Variants in BTBD9 observed in about 807,000 individuals in gnomAD.
The protein encoded by BTBD9 is BTB/POZ domain-containing protein 9.
A neutral mutation model predicts 64.3 loss-of-function variants in BTBD9; 49 were observed. The ratio of observed to expected loss-of-function variants is 0.76; its 90% CI spans 0.61 to 0.97. BTBD9 has a LOEUF of 0.97. Ranked by LOEUF, BTBD9 falls within the 50% of genes least tolerant of loss-of-function variation. The probability of loss-of-function intolerance (pLI) is 0.00; values close to 1 mark genes in which losing one functional copy is unlikely to be tolerated. For synonymous variants in BTBD9, 260 were observed against 274.7 expected (o/e 0.95, Z 0.53); for missense variants, 598 against 762.1 (o/e 0.78, Z 2.53).
chr6:38,456,348 C>T (rs1225670566), intron 6 of BTBD9, among the ~76,000 whole-genome samples: 2 of 152,252 alleles, frequency 1.3e-5, no homozygotes, highest in South Asian at 2.1e-4. Context: ...TTTGTGTGAA[C>T]GTACGATTTC....
At chr6:38,216,091 T>C (rs1323596625) in intron 9 of BTBD9, among the ~76,000 whole-genome samples, 1 of 152,180 alleles carries the variant, frequency 6.6e-6, no homozygotes, top group Non-Finnish European at 1.5e-5. Flanking sequence ...CAAGTATTCT[T>C]TTGGGGCCAT....
chr6:38,439,006 G>A (rs367836343), intron 6 of BTBD9, among the ~76,000 whole-genome samples: 7 of 152,130 alleles, frequency 4.6e-5, no homozygotes, highest in African/African-American at 1.4e-4. Flanking sequence ...ACAGCAAAGC[G>A]TGTCCTGGAG....
intron 6 of BTBD9, among the ~76,000 whole-genome samples, chr6:38,576,105 T>C (rs866370371): frequency 6.6e-6 from 1 of 152,288 alleles, no homozygotes; most frequent in African/African-American, 2.4e-5. Context: ...TTGTTTCAAA[T>C]TAAATGCAAA....
intron 8 of BTBD9, among the ~76,000 whole-genome samples, chr6:38,270,625 C>T (rs1287779080): frequency 6.6e-6 from 1 of 152,154 alleles, no homozygotes; most frequent in African/African-American, 2.4e-5. Flanking sequence ...GGTGCTGGAA[C>T]TGTGTACAAA....
At chr6:38,357,645 G>C (rs765497649) in intron 6 of BTBD9, among the ~76,000 whole-genome samples, 17 of 152,080 alleles carry the variant, frequency 1.1e-4, no homozygotes, top group Non-Finnish European at 1.8e-4. Context: ...TACTGAGTCT[G>C]AGATCTTGGC....
intron 6 of BTBD9, among the ~76,000 whole-genome samples, chr6:38,474,956 T>G (rs1257448496): frequency 6.6e-6 from 1 of 152,144 alleles, no homozygotes; most frequent in Non-Finnish European, 1.5e-5. Flanking sequence ...AGAGCGTTAT[T>G]TACAACAGCA....
At chr6:38,472,956 T>C (rs1013554918) in intron 6 of BTBD9, among the ~76,000 whole-genome samples, 1 of 152,216 alleles carries the variant, frequency 6.6e-6, no homozygotes, top group Non-Finnish European at 1.5e-5. Context: ...GTAAGCCTGA[T>C]ACTATGGTTG....
At chr6:38,549,464 G>T (rs1774699395) in intron 6 of BTBD9, among the ~76,000 whole-genome samples, 1 of 152,074 alleles carries the variant, frequency 6.6e-6, no homozygotes, top group Non-Finnish European at 1.5e-5. Context: ...CAAACAGGCT[G>T]GCTCAGTATT....
intron 7 of BTBD9, among the ~76,000 whole-genome samples, chr6:38,294,694 C>A (rs1265669312): frequency 1.3e-5 from 2 of 152,094 alleles, no homozygotes; most frequent in Non-Finnish European, 2.9e-5. Context: ...CGAGAAATAC[C>A]TAATGTAGAT....
intron 6 of BTBD9, among the ~76,000 whole-genome samples, chr6:38,478,823 T>A (rs751101048): frequency 5.9e-5 from 9 of 152,204 alleles, no homozygotes; most frequent in Non-Finnish European, 1.3e-4. Flanking sequence ...TACTATATAA[T>A]GACCAAGTCG....
chr6:38,585,153 G>A (rs181038137), intron 4 of BTBD9, among the ~76,000 whole-genome samples: 13 of 151,744 alleles, frequency 8.6e-5, no homozygotes, highest in Admixed American at 6.6e-4. Context: ...CATGTGTACC[G>A]ACACTACACA....
chr6:38,245,315 G>C (rs1118268), intron 9 of BTBD9, among the ~76,000 whole-genome samples: 89,025 of 152,104 alleles, frequency 0.59, 26,249 homozygotes, highest in Non-Finnish European at 0.61. Context: ...ATTTGATCAA[G>C]ATGGGTGGTC....
At chr6:38,299,100 T>C (rs1262221307) in intron 7 of BTBD9, among the ~76,000 whole-genome samples, 1 of 152,142 alleles carries the variant, frequency 6.6e-6, no homozygotes, top group Non-Finnish European at 1.5e-5. Flanking sequence ...AGTGAGAACA[T>C]GCAGTGTTTG....
intron 6 of BTBD9, among the ~76,000 whole-genome samples, chr6:38,497,382 C>CT (rs1299341905): frequency 1.3e-5 from 2 of 152,132 alleles, no homozygotes; most frequent in African/African-American, 2.4e-5. Flanking sequence ...CAAGGATACA[C>CT]TTTTTTTCCC....
At chr6:38,254,235 T>A (rs1016774476) in intron 9 of BTBD9, among the ~76,000 whole-genome samples, 1 of 151,664 alleles carries the variant, frequency 6.6e-6, no homozygotes, top group African/African-American at 2.4e-5. Flanking sequence ...ACACTGACTG[T>A]CCCATGACTG....
intron 6 of BTBD9, among the ~76,000 whole-genome samples, chr6:38,351,504 G>GTTTTTTTTTTTT (rs79539406): frequency 3.1e-5 from 3 of 96,696 alleles, no homozygotes; most frequent in Non-Finnish European, 6.0e-5. Context: ...TTTAATTGTT[G>GTTTTTTTTTTTT]TTGTTTTTTT....
chr6:38,233,148 T>C (rs1410625154), intron 9 of BTBD9, among the ~76,000 whole-genome samples: 1 of 152,134 alleles, frequency 6.6e-6, no homozygotes, highest in African/African-American at 2.4e-5. Flanking sequence ...ATAACCTTTA[T>C]CTAATTCACT....
Position 38,274,003 on chromosome 6 carries a change from GATC to G in BTBD9, c.1454+14266_1454+14268del, listed in dbSNP as rs1765282965. Among the ~76,000 whole-genome samples the G allele has an allele frequency of 1.3e-5, 2 of 152,208 alleles. 1 individual carries two copies. The highest frequency in any genetic ancestry group is 4.1e-4 in the South Asian group (2 of 4,830). On this transcript the variant is annotated intron_variant, in intron 8 of 10. Transcript: ENST00000481247. ...CTGAGTGCTGCAAACAGACTAATCT[GATC>G]ATCATCTTCTTGTCCACAATTTCAG...
intron 9 of BTBD9, among the ~76,000 whole-genome samples, chr6:38,210,414 C>T (rs967372721): frequency 7.4e-4 from 112 of 152,250 alleles, no homozygotes; most frequent in African/African-American, 2.6e-3. Context: ...CTCTCTCCTG[C>T]AGCAGCAGCT....
Sources: allele counts gnomAD v4.1 joint callset (sites outside exome capture counted in the v4.1 genomes callset), GRCh38; gene constraint gnomAD v4.1.1; transcripts MANE v1.5; gene names NCBI Gene and HGNC (gene_info 2026-07-23, HGNC 2026-07-21).